The following PHF14 variants were observed in gnomAD, a reference collection of about 807,000 sequenced individuals.
The protein encoded by PHF14 is PHD finger protein 14.
Under a neutral mutation model 117.9 loss-of-function variants are expected in PHF14, and 55 were observed. The ratio of observed to expected loss-of-function variants is 0.47; its 90% CI spans 0.38 to 0.58. PHF14 has a LOEUF of 0.58. Among genes scored for constraint, PHF14 ranks in the 20% least tolerant of loss-of-function variants. The probability of loss-of-function intolerance (pLI) is 0.00; values close to 1 mark genes in which losing one functional copy is unlikely to be tolerated. For missense variants in PHF14, 978 were observed against 1,122.2 expected (o/e 0.87, Z 1.84); for synonymous variants, 409 against 368.6 (o/e 1.11, Z -1.26).
rs117276422 is a variant in PHF14 at position 11,033,939 on chromosome 7, T to G, written c.1456-1701T>G. 4.1e-3 allele frequency among the ~76,000 whole-genome samples: 619 copies of G among 152,314 alleles called. 2 individuals are homozygous for G. The highest frequency in any genetic ancestry group is 6.2e-3 in the Admixed American group (95 of 15,294). On this transcript the variant is annotated intron_variant, in intron 7 of 17. Coordinates refer to ENST00000634607, the MANE Select transcript of PHF14 (RefSeq NM_001007157.2). ...TTTTTAAAGCTATATGAAGTAATTG[T>G]AAGTAAACCCTGTTTTACTAATGTG... is the stretch of plus-strand genomic sequence containing the variant.
At chr7:11,095,757 T>C (rs915971434) in intron 16 of PHF14, among the ~76,000 whole-genome samples, 1 of 152,282 alleles carries the variant, frequency 6.6e-6, no homozygotes, top group Admixed American at 6.5e-5. Context: ...ACCTACAAAA[T>C]GATAATCCCT....
chr7:11,032,793 A>G (rs1486591572), intron 7 of PHF14, among the ~76,000 whole-genome samples: 4 of 152,270 alleles, frequency 2.6e-5, no homozygotes, highest in African/African-American at 9.6e-5. Context: ...AGGCATTTGT[A>G]TTTAAGGCCC....
In PHF14 at chr7:11,144,713, G is replaced by A. The variant is rs1052601497; in HGVS notation, c.2773-24703G>A. 9.2e-5 allele frequency among the ~76,000 whole-genome samples: 14 copies of A among 151,566 alleles called. 1 individual carries two copies. The highest frequency in any genetic ancestry group is 7.9e-4 in the Admixed American group (12 of 15,152). On this transcript the variant is annotated intron_variant, in intron 17 of 17. Coordinates refer to ENST00000634607, the MANE Select transcript of PHF14 (RefSeq NM_001007157.2). ...TATATTCTTAAAAAGTTAGAAGAGA[G>A]GATTTTGAATGTTCGTAACACAAAT...
intron 17 of PHF14, among the ~76,000 whole-genome samples, chr7:11,134,669 G>A (rs1350703529): frequency 6.6e-6 from 1 of 151,942 alleles, no homozygotes; most frequent in Non-Finnish European, 1.5e-5. Context: ...GTCAGTTCTG[G>A]TCAGTGTTCT....
chr7:11,145,957 GAT>G (rs199916334), intron 17 of PHF14, among the ~76,000 whole-genome samples: 3,104 of 152,022 alleles, frequency 0.02, 96 homozygotes, highest in East Asian at 0.12. Flanking sequence ...AGCAATGGCA[GAT>G]AACTCTTGAA....
intron 4 of PHF14, among the ~76,000 whole-genome samples, chr7:11,011,150 C>T (rs889841344): frequency 3.3e-5 from 5 of 152,146 alleles, no homozygotes; most frequent in Middle Eastern, 3.4e-3. Context: ...TTACATGTAA[C>T]CACTGACATA....
chr7:11,163,687 T>G (rs1056760720), intron 17 of PHF14, among the ~76,000 whole-genome samples: 8 of 152,218 alleles, frequency 5.3e-5, no homozygotes, highest in Non-Finnish European at 1.0e-4. Flanking sequence ...GTGCTCATTT[T>G]GCCTAAAACA....
chr7:10,995,865 C>T (rs1363556448), intron 4 of PHF14, among the ~76,000 whole-genome samples: 1 of 152,220 alleles, frequency 6.6e-6, no homozygotes, highest in African/African-American at 2.4e-5. Context: ...TCGCGCTGGC[C>T]CGCAAGCGCC....
At chr7:11,092,697 C>CT (rs912756053) in intron 16 of PHF14, among the ~76,000 whole-genome samples, 19 of 150,212 alleles carry the variant, frequency 1.3e-4, no homozygotes, top group Admixed American at 4.6e-4. Flanking sequence ...TTTGAAGTCT[C>CT]TTTTTTTTTT....
intron 17 of PHF14, among the ~76,000 whole-genome samples, chr7:11,116,058 C>G (rs771853843): frequency 2.6e-5 from 4 of 151,948 alleles, no homozygotes; most frequent in Admixed American, 1.3e-4. Context: ...TAAAAATATC[C>G]TATTCCTCAT....
At chr7:11,062,657 T>A in intron 16 of PHF14, 2 of 980,366 alleles carry the variant, frequency 2.0e-6, no homozygotes, top group Non-Finnish European at 2.4e-6. Context: ...GGTACTTTAT[T>A]TTTTTTTAAT....
In PHF14 at chr7:11,036,675, G is replaced by T; in HGVS notation, c.1860G>T (p.Val620=). 1.2e-6 allele frequency: 2 copies of T among 1,613,468 alleles called. No individual in the cohort carries two copies. Among genetic ancestry groups the T allele is most frequent in the South Asian group, 2.2e-5 (2 of 91,004 alleles). The change falls in exon 9 of 18, where the codon GTG becomes GTT. Residue 620 remains valine (V), a synonymous_variant. Transcript: ENST00000634607. ...HKQPALTADF[V]NYYFERNMRM... ...AACCAGCTCTCACTGCAGATTTTGT[G>T]AATTATTATTTTGGTCAGTATAGAC...
intron 17 of PHF14, among the ~76,000 whole-genome samples, chr7:11,152,806 C>CA (rs1185792812): frequency 2.0e-5 from 3 of 152,026 alleles, no homozygotes; most frequent in African/African-American, 7.2e-5. Flanking sequence ...TGCATAAAGT[C>CA]AAAGAACTCA....
At chr7:11,169,139 C>T (rs1376172416) in intron 17 of PHF14, among the ~76,000 whole-genome samples, 1 of 152,030 alleles carries the variant, frequency 6.6e-6, no homozygotes, top group Admixed American at 6.6e-5. Context: ...AGCTCATCCC[C>T]TGCAAAGAAC....
At chr7:11,053,020 A>G (rs1055144605) in intron 14 of PHF14, among the ~76,000 whole-genome samples, 9 of 152,126 alleles carry the variant, frequency 5.9e-5, no homozygotes, top group Non-Finnish European at 1.2e-4. Flanking sequence ...TTCTTAGGGC[A>G]TACTTTCCTT....
Position 11,036,514 on chromosome 7 carries a change from A to G in PHF14, c.1699A>G (p.Arg567Gly). The G allele has an allele frequency of 1.2e-6, 2 of 1,614,002 alleles. No individual in the cohort carries two copies. The highest frequency in any genetic ancestry group is 1.7e-6 in the Non-Finnish European group (2 of 1,179,868). ...QAWVPREKLPRPLTSSASAIR... is the reference protein window; with the variant it reads ...QAWVPREKLPGPLTSSASAIR... The stretch of plus-strand genomic sequence containing the variant: ...CTGGGTTCCAAGGGAAAAATTGCCC[A>G]GACCACTCACCAGCAGTGCTTCAGC... Residue 567 changes from arginine to glycine, a missense_variant, in exon 9 of 18, where the codon AGA (arginine) becomes GGA (glycine). Physicochemically the swap from Arg to Gly is moderately radical, Grantham distance 125 (BLOSUM62 -2). Coordinates refer to ENST00000634607, the MANE Select transcript of PHF14 (RefSeq NM_001007157.2).
chr7:10,978,674 G>A (rs1046891485), intron 2 of PHF14, among the ~76,000 whole-genome samples: 11 of 152,106 alleles, frequency 7.2e-5, no homozygotes, highest in African/African-American at 2.7e-4. Context: ...GTACCCAGTA[G>A]GATGTTTAGC....
chr7:11,028,876 A>G (rs948682977), intron 7 of PHF14, 58 bp downstream of exon 7: 28 of 1,376,266 alleles, frequency 2.0e-5, no homozygotes, highest in African/African-American at 1.6e-4. Context: ...TTTTGACTCT[A>G]TGTCCTATAA....
chr7:11,068,279 G>A (rs539951661), intron 16 of PHF14, among the ~76,000 whole-genome samples: 28 of 147,688 alleles, frequency 1.9e-4, no homozygotes, highest in South Asian at 4.3e-4. Context: ...TGAACCCGGA[G>A]GCAGGGCTTG....
Sources: allele counts gnomAD v4.1 joint callset (sites outside exome capture counted in the v4.1 genomes callset), GRCh38; gene constraint gnomAD v4.1.1; transcripts MANE v1.5; gene names NCBI Gene and HGNC (gene_info 2026-07-23, HGNC 2026-07-21).